Variants in SDK1 observed in about 807,000 individuals in gnomAD.
SDK1 encodes sidekick cell adhesion molecule 1.
In SDK1, 157 loss-of-function variants were observed where a neutral mutation model predicts 245.5. That is an observed-to-expected ratio of 0.64 (90% CI 0.56 to 0.73). The LOEUF is 0.73. Among genes scored for constraint, SDK1 ranks in the 30% least tolerant of loss-of-function variants. The probability of loss-of-function intolerance (pLI) is 0.00; values close to 1 mark genes in which losing one functional copy is unlikely to be tolerated. For synonymous variants in SDK1, 1,647 were observed against 1,278.5 expected, an observed-to-expected ratio of 1.29 and a Z score of -6.15; for missense variants, 3,583 against 3,002.3, an observed-to-expected ratio of 1.19 and a Z score of -4.52.
intron 1 of SDK1, among the ~76,000 whole-genome samples, chr7:3,607,627 T>G (rs1781463519): frequency 6.6e-6 from 1 of 152,228 alleles, no homozygotes; most frequent in Non-Finnish European, 1.5e-5. Context: ...ATGAATGCTT[T>G]CTTTTCTTTA....
chr7:3,400,678 A>G (rs962033297), intron 1 of SDK1, among the ~76,000 whole-genome samples: 1 of 152,178 alleles, frequency 6.6e-6, no homozygotes, highest in Non-Finnish European at 1.5e-5. Context: ...ACCTAGAAAT[A>G]TATGTGTCAT....
chr7:4,128,856 T>G (rs186715469), intron 26 of SDK1, among the ~76,000 whole-genome samples: 3,080 of 92,352 alleles, frequency 0.033, 181 homozygotes, highest in African/African-American at 0.065. Flanking sequence ...TCCCCTGGAA[T>G]AGAGCAGCTT....
intron 1 of SDK1, among the ~76,000 whole-genome samples, chr7:3,503,431 A>G (rs1782280551): frequency 6.6e-6 from 1 of 152,050 alleles, no homozygotes; most frequent in African/African-American, 2.4e-5. Context: ...CATAATCTCA[A>G]CAAGTTTTGA....
At chr7:4,218,897 T>A (rs1784987692) in intron 38 of SDK1, among the ~76,000 whole-genome samples, 1 of 152,188 alleles carries the variant, frequency 6.6e-6, no homozygotes, top group African/African-American at 2.4e-5. Flanking sequence ...AACTGTTTTT[T>A]TTTTTAATGC....
At chr7:4,106,063 C>A (rs1426727934) in intron 22 of SDK1, among the ~76,000 whole-genome samples, 1 of 152,058 alleles carries the variant, frequency 6.6e-6, no homozygotes, top group Non-Finnish European at 1.5e-5. Context: ...TTGGCTGCCA[C>A]CTTCAGTGGT....
intron 1 of SDK1, among the ~76,000 whole-genome samples, chr7:3,575,143 T>C (rs1780244074): frequency 6.6e-6 from 1 of 152,082 alleles, no homozygotes; most frequent in South Asian, 2.1e-4. Flanking sequence ...GGTTTAAGGC[T>C]GGGAAATCAG....
intron 1 of SDK1, among the ~76,000 whole-genome samples, chr7:3,601,191 T>C (rs1781242325): frequency 1.3e-5 from 2 of 152,298 alleles, no homozygotes; most frequent in African/African-American, 4.8e-5. Flanking sequence ...TACTTTTTTG[T>C]ATTTGTCAAG....
intron 4 of SDK1, among the ~76,000 whole-genome samples, chr7:3,719,244 G>GTT (rs11290875): frequency 3.7e-5 from 5 of 134,282 alleles, no homozygotes; most frequent in Non-Finnish European, 4.9e-5. Context: ...ACCCAGAAAG[G>GTT]TTTTTTTTTT....
chr7:3,446,370 A>C (rs1201872808), intron 1 of SDK1, among the ~76,000 whole-genome samples: 2 of 152,302 alleles, frequency 1.3e-5, no homozygotes, highest in Admixed American at 6.5e-5. Context: ...GCTTGTGTGC[A>C]TCTAAAATTT....
At chr7:3,873,638 G>C (rs993882108) in intron 5 of SDK1, among the ~76,000 whole-genome samples, 18 of 151,876 alleles carry the variant, frequency 1.2e-4, no homozygotes, top group Non-Finnish European at 2.1e-4. Flanking sequence ...AGTTTTGTTT[G>C]CCTTGTTTTT....
At chr7:3,682,732 T>G (rs1784145709) in intron 4 of SDK1, among the ~76,000 whole-genome samples, 1 of 152,150 alleles carries the variant, frequency 6.6e-6, no homozygotes, top group Non-Finnish European at 1.5e-5. Flanking sequence ...GTTTTTTTTT[T>G]TTTTAAACAG....
At chr7:3,705,664 T>C (rs1250704297) in intron 4 of SDK1, among the ~76,000 whole-genome samples, 4 of 152,012 alleles carry the variant, frequency 2.6e-5, no homozygotes, top group South Asian at 4.1e-4. Flanking sequence ...GAGGAGTCTT[T>C]AGGGTTTTCT....
chr7:3,638,825 C>G (rs1381294152), intron 2 of SDK1, among the ~76,000 whole-genome samples, 179 bp from the exon 3 acceptor site: 2 of 151,150 alleles, frequency 1.3e-5, no homozygotes, highest in Non-Finnish European at 2.9e-5. Flanking sequence ...AATGGTGGTT[C>G]TAGTTAGTGT....
intron 3 of SDK1, 39 bp downstream of exon 3, chr7:3,639,149 C>A (rs982703935): frequency 4.3e-6 from 5 of 1,166,950 alleles, no homozygotes; most frequent in Non-Finnish European, 6.2e-6. Flanking sequence ...TGTTAAAGAA[C>A]AAAGTGTCGC....
At position 3,967,498 on chromosome 7, in the gene SDK1, C is replaced by G. The variant is rs1045841694; in HGVS notation, c.1546+64C>G. ...TAGAACATAACCTATCGGGCCAGTG[C>G]TTGCTTCTTATTCACTCTCTTGTTT... is the stretch of plus-strand genomic sequence containing the variant. On this transcript the variant is annotated intron_variant, in intron 10 of 44. Transcript: ENST00000404826. 4 of 966,174 alleles carry G rather than the reference C, an allele frequency of 4.1e-6. No homozygotes were observed. In the African/African-American group the frequency reaches 6.4e-5, roughly 16 times the overall value. The allele number at this position is 966,174 out of a possible 1,614,324, so 59.9% of individuals were successfully genotyped here. A position where few individuals can be genotyped will look rare whatever the true frequency, so the allele number is the denominator to read the frequency against.
At position 3,394,291 on chromosome 7, in the gene SDK1, G is replaced by A. The variant is rs1228547648; in HGVS notation, c.298+92407G>A. The stretch of plus-strand genomic sequence containing the variant: ...ATTGTTCTGGTTTTATTTGGTGAAC[G>A]TATTATCTATTCCCTAGTGTATTGC... On this transcript the variant is annotated intron_variant, in intron 1 of 44. Coordinates refer to ENST00000404826, the MANE Select transcript of SDK1 (RefSeq NM_152744.4). Among the ~76,000 whole-genome samples the A allele has an allele frequency of 9.2e-5, 14 of 152,188 alleles. No individual in the cohort carries two copies. The East Asian group carries it at 1.9e-3, about 21-fold the overall frequency.
rs551684865 is a variant in SDK1 at position 4,205,818 on chromosome 7, G to A, written c.5099-61G>A. ...GCTCGAGCCCCATGGGCATGTGGGC[G>A]AGGGTCCGGGCCGGCTCTGAATGAA... On this transcript the variant is annotated intron_variant, in intron 35 of 44. Transcript: ENST00000404826. 1,206 of 1,349,252 alleles carry A rather than the reference G, an allele frequency of 8.9e-4. 1 individual carries two copies. Among genetic ancestry groups the A allele is most frequent in the Admixed American group, 1.9e-3 (98 of 50,454 alleles). The allele number at this position is 1,349,252 out of a possible 1,614,324, so 83.6% of individuals were successfully genotyped here.
chr7:3,439,399 C>A (rs936818741), intron 1 of SDK1, among the ~76,000 whole-genome samples: 1 of 152,142 alleles, frequency 6.6e-6, no homozygotes, highest in South Asian at 2.1e-4. Flanking sequence ...ACTACTGTTG[C>A]GCTCCTTACA....
At chr7:3,492,387 A>T (rs1490853856) in intron 1 of SDK1, among the ~76,000 whole-genome samples, 1 of 152,178 alleles carries the variant, frequency 6.6e-6, no homozygotes, top group Non-Finnish European at 1.5e-5. Flanking sequence ...CCAGCTACTC[A>T]GGAGGCTGAG....
Sources: allele counts gnomAD v4.1 joint callset (sites outside exome capture counted in the v4.1 genomes callset), GRCh38; gene constraint gnomAD v4.1.1; transcripts MANE v1.5; gene names NCBI Gene and HGNC (gene_info 2026-07-23, HGNC 2026-07-21).